FNDC3A: variants seen among roughly 807,000 people sequenced by gnomAD.
The protein encoded by FNDC3A is fibronectin type III domain containing 3A.
A neutral mutation model predicts 148.9 loss-of-function variants in FNDC3A; 32 were observed. That is an observed-to-expected ratio of 0.21 (90% confidence interval 0.16 to 0.29). The LOEUF (loss-of-function observed/expected upper bound fraction) is 0.29, where lower values mean the gene tolerates loss of function less well. Among genes scored for constraint, FNDC3A ranks in the 10% least tolerant of loss-of-function variants. The probability of loss-of-function intolerance (pLI) is 1.00; values close to 1 mark genes in which losing one functional copy is unlikely to be tolerated. For missense variants in FNDC3A, 1,191 were observed against 1,452.8 expected, an observed-to-expected ratio of 0.82 and a Z score of 2.93; for synonymous variants, 472 against 473.6, an observed-to-expected ratio of 1.00 and a Z score of 0.04.
intron 1 of FNDC3A, among the ~76,000 whole-genome samples, chr13:49,002,509 A>C (rs1194786751): frequency 6.6e-6 from 1 of 152,210 alleles, no homozygotes; most frequent in Non-Finnish European, 1.5e-5. Flanking sequence ...CTTAGTAAAT[A>C]ACTTAATGGT....
Position 49,167,232 on chromosome 13 carries a change from T to A in FNDC3A, c.978-12T>A. ...ATTTATCAGACATGATATATTACCCTTTTTTCCCCAGAGGAGAAGAAACAA... is the reference window on the plus strand; with the variant it reads ...ATTTATCAGACATGATATATTACCCATTTTTCCCCAGAGGAGAAGAAACAA... On this transcript the variant is annotated splice_polypyrimidine_tract_variant and intron_variant, in intron 8 of 25. Transcript: ENST00000492622. 1 of 1,564,124 alleles carries A rather than the reference T, an allele frequency of 6.4e-7. No individual in the cohort carries two copies. Among genetic ancestry groups the A allele is most frequent in the East Asian group, 2.3e-5 (1 of 44,088 alleles).
intron 19 of FNDC3A, among the ~76,000 whole-genome samples, chr13:49,195,773 G>A (rs936853124): frequency 6.6e-6 from 1 of 151,918 alleles, no homozygotes; most frequent in Non-Finnish European, 1.5e-5. Flanking sequence ...TAGAGTTTTC[G>A]TAGCTGGCTG....
intron 5 of FNDC3A, among the ~76,000 whole-genome samples, chr13:49,132,334 G>A (rs1459044914): frequency 2.0e-5 from 3 of 152,080 alleles, no homozygotes; most frequent in Non-Finnish European, 2.9e-5. Context: ...AACTATTTCA[G>A]TGATTTCCCA....
At chr13:49,060,156 A>G (rs1045985840) in intron 2 of FNDC3A, among the ~76,000 whole-genome samples, 1 of 152,204 alleles carries the variant, frequency 6.6e-6, no homozygotes, top group Non-Finnish European at 1.5e-5. Flanking sequence ...CACAAGTACT[A>G]TGTGGAATAT....
intron 4 of FNDC3A, among the ~76,000 whole-genome samples, chr13:49,128,137 C>T (rs1881813533): frequency 6.6e-6 from 1 of 152,176 alleles, no homozygotes. Flanking sequence ...ACCTCGGCCT[C>T]CCAAAGTGCT....
intron 1 of FNDC3A, among the ~76,000 whole-genome samples, chr13:48,994,550 G>A (rs527946148): frequency 3.3e-5 from 5 of 152,270 alleles, no homozygotes; most frequent in African/African-American, 9.6e-5. Context: ...AGGCCGACGC[G>A]GGCAGATCAC....
chr13:49,172,569 C>G (rs908929459), intron 11 of FNDC3A, among the ~76,000 whole-genome samples: 1 of 152,160 alleles, frequency 6.6e-6, no homozygotes, highest in Non-Finnish European at 1.5e-5. Flanking sequence ...AGGCTGTCCT[C>G]ATTACTTGGT....
At chr13:49,117,016 C>G (rs997442083) in intron 4 of FNDC3A, among the ~76,000 whole-genome samples, 3 of 152,070 alleles carry the variant, frequency 2.0e-5, no homozygotes, top group Admixed American at 1.3e-4. Context: ...TGGACTGATT[C>G]ATCAAGGGAG....
chr13:49,137,073 C>A lies in FNDC3A; in HGVS notation c.760+472C>A, dbSNP rs556134004. On this transcript the variant is annotated intron_variant, in intron 6 of 25. Transcript: ENST00000492622. ...ATCTCCTGGGCTCAAGCAGTCCTCC[C>A]ATCTTGGCCTCTCAAAGTGCTGCAA... Among the ~76,000 whole-genome samples the A allele has an allele frequency of 7.6e-3, 1,161 of 152,166 alleles. 12 individuals carry two copies. The highest frequency in any genetic ancestry group is 0.012 in the Non-Finnish European group (825 of 67,994).
intron 15 of FNDC3A, among the ~76,000 whole-genome samples, chr13:49,186,501 G>A (rs1419660252): frequency 6.6e-6 from 1 of 152,200 alleles, no homozygotes; most frequent in Non-Finnish European, 1.5e-5. Flanking sequence ...ACCCTTGCCT[G>A]AAAAATTCAG....
In FNDC3A at chr13:49,168,663, T is replaced by A; in HGVS notation, c.1088T>A (p.Ile363Asn). The change falls in exon 10 of 26, where the codon ATC becomes AAC. Residue 363 changes from isoleucine to asparagine, a missense_variant. Around this residue, in one of 3 missense-constraint regions of FNDC3A, gnomAD observed 426 missense variants for 473.2 expected, o/e 0.90. Coordinates refer to ENST00000492622, the MANE Select transcript of FNDC3A (RefSeq NM_001079673.2). The part of the protein sequence containing the change: ...SIKGTPSEAE[I>N]FTTLSCEPDI... ...AAGGGAACTCCTTCAGAGGCTGAAA[T>A]CTTTACCACCTTGAGCTGTGAACCT... The A allele has an allele frequency of 6.2e-7, 1 of 1,612,578 alleles. No homozygotes were observed.
chr13:49,133,604 A>T (rs961573399), intron 5 of FNDC3A, among the ~76,000 whole-genome samples: 4 of 152,228 alleles, frequency 2.6e-5, no homozygotes, highest in African/African-American at 4.8e-5. Flanking sequence ...CTTTCCATGC[A>T]CAATCCATAT....
intron 1 of FNDC3A, among the ~76,000 whole-genome samples, chr13:48,993,423 A>T (rs910653765): frequency 4.6e-5 from 7 of 152,202 alleles, no homozygotes; most frequent in African/African-American, 1.7e-4. Context: ...CCAGGATTTG[A>T]AAGCTGTGAT....
chr13:49,110,867 G>T (rs1439086447), intron 3 of FNDC3A, among the ~76,000 whole-genome samples: 2 of 152,232 alleles, frequency 1.3e-5, no homozygotes, highest in African/African-American at 4.8e-5. Flanking sequence ...CTTTAAGTCA[G>T]TGATGGCACT....
intron 4 of FNDC3A, among the ~76,000 whole-genome samples, chr13:49,117,839 C>G (rs1881066316): frequency 1.3e-5 from 2 of 152,160 alleles, no homozygotes; most frequent in African/African-American, 4.8e-5. Flanking sequence ...AACCAATCCC[C>G]CATGCATACC....
At chr13:49,054,266 A>G (rs912320631) in intron 2 of FNDC3A, among the ~76,000 whole-genome samples, 4 of 152,216 alleles carry the variant, frequency 2.6e-5, no homozygotes, top group Non-Finnish European at 4.4e-5. Context: ...TTGACATTAT[A>G]AACTTTAATA....
intron 4 of FNDC3A, among the ~76,000 whole-genome samples, chr13:49,127,526 T>G (rs573520009): frequency 1.3e-5 from 2 of 152,362 alleles, no homozygotes; most frequent in East Asian, 3.9e-4. Flanking sequence ...TCCTCTTGTT[T>G]GACCTATCAG....
chr13:49,098,506 G>C (rs1339987077), intron 3 of FNDC3A, among the ~76,000 whole-genome samples: 3 of 152,122 alleles, frequency 2.0e-5, no homozygotes, highest in African/African-American at 7.2e-5. Context: ...ACAACCTGCT[G>C]CATTCATGGA....
At chr13:49,138,675 C>A in intron 6 of FNDC3A, 72 bp from the exon 7 acceptor site, 1 of 673,134 alleles carries the variant, frequency 1.5e-6, no homozygotes, top group Non-Finnish European at 2.5e-6. Flanking sequence ...TTTCAGAATA[C>A]ATATTTAGGG....
Sources: allele counts gnomAD v4.1 joint callset (sites outside exome capture counted in the v4.1 genomes callset), GRCh38; gene constraint gnomAD v4.1.1; regional missense constraint gnomAD v4.1.1; transcripts MANE v1.5; gene names NCBI Gene and HGNC (gene_info 2026-07-23, HGNC 2026-07-21).